Variants in ZNF518A observed in about 807,000 individuals in gnomAD.
ZNF518A encodes the protein zinc finger protein 518A.
A neutral mutation model predicts 102.7 loss-of-function variants in ZNF518A; 47 were observed. The ratio of observed to expected loss-of-function variants is 0.46; its 90% CI spans 0.36 to 0.58. ZNF518A has a LOEUF of 0.58. Ranked by LOEUF, ZNF518A falls within the 20% of genes least tolerant of loss-of-function variation. ZNF518A has a pLI of 0.00. For missense variants in ZNF518A, 1,793 were observed against 1,699.8 expected, an observed-to-expected ratio of 1.05 and a Z score of -0.96; for synonymous variants, 652 against 594.6, an observed-to-expected ratio of 1.10 and a Z score of -1.40.
chr10:96,139,809 A>G (rs1222369022), intron 3 of ZNF518A, among the ~76,000 whole-genome samples: 2 of 152,148 alleles, frequency 1.3e-5, no homozygotes, highest in African/African-American at 4.8e-5. Flanking sequence ...TAAGATGATG[A>G]CAGTGGATAG....
intron 1 of ZNF518A, among the ~76,000 whole-genome samples, chr10:96,182,055 C>T (rs2083243438): frequency 6.6e-6 from 1 of 152,130 alleles, no homozygotes; most frequent in Admixed American, 6.6e-5. Flanking sequence ...TCCTTCACAT[C>T]CCTTGTAAGT....
Position 96,157,667 on chromosome 10 carries a change from A to G in ZNF518A, c.1345A>G (p.Met449Val), listed in dbSNP as rs782454302. ...TAATGCTACGTTTATGGGCTTCAAG[A>G]TGATGGATGGAAAACAGCATATTGT... ...NYNATFMGFK[M>V]MDGKQHIVLK... The change falls in exon 6 of 6, where the codon ATG becomes GTG. Residue 449 changes from methionine to valine, a missense_variant. This residue lies in a region of ZNF518A where 1,741 missense variants were observed against 1,622.6 expected (regional missense o/e 1.07). Transcript: ENST00000316045. 10 of 1,613,890 alleles carry G rather than the reference A, an allele frequency of 6.2e-6. No individual in the cohort carries two copies. In the East Asian group the frequency reaches 1.6e-4, roughly 25 times the overall value.
upstream of ZNF518A, chr10:96,129,902 G>C (rs1247994896): frequency 6.6e-6 from 1 of 152,540 alleles, no homozygotes; most frequent in Non-Finnish European, 1.5e-5. Context: ...GCGCTAGATG[G>C]AGAGGTCAGC....
intron 1 of ZNF518A, among the ~76,000 whole-genome samples, chr10:96,198,584 T>C (rs1296795013): frequency 6.6e-6 from 1 of 152,248 alleles, no homozygotes; most frequent in African/African-American, 2.4e-5. Context: ...AAGAGCTTCA[T>C]ACAGAACAAC....
At chr10:96,168,999 T>TCCTATGGTCTCATA (rs2083158744) in intron 1 of ZNF518A, among the ~76,000 whole-genome samples, 1 of 152,174 alleles carries the variant, frequency 6.6e-6, no homozygotes, top group Admixed American at 6.5e-5. Flanking sequence ...CTGAGACTCA[T>TCCTATGGTCTCATA]CCTATGGGTA....
At chr10:96,176,735 A>C (rs184510674) in intron 1 of ZNF518A, among the ~76,000 whole-genome samples, 1 of 152,236 alleles carries the variant, frequency 6.6e-6, no homozygotes, top group African/African-American at 2.4e-5. Flanking sequence ...ATCTCTACTA[A>C]AAATACAAAA....
chr10:96,148,094 T>C (rs587687733), intron 3 of ZNF518A, among the ~76,000 whole-genome samples: 86 of 152,334 alleles, frequency 5.6e-4, no homozygotes, highest in African/African-American at 2.0e-3. Flanking sequence ...TGTTCCCTTT[T>C]TGTGGCATCC....
intron 1 of ZNF518A, among the ~76,000 whole-genome samples, chr10:96,176,184 G>T (rs1554891460): frequency 2.0e-5 from 3 of 151,854 alleles, no homozygotes; most frequent in Non-Finnish European, 4.4e-5. Context: ...TCCTGCCTTG[G>T]CTTCCCAAAG....
At chr10:96,185,611 C>G (rs587611704) in intron 1 of ZNF518A, among the ~76,000 whole-genome samples, 7 of 152,330 alleles carry the variant, frequency 4.6e-5, no homozygotes, top group Admixed American at 3.3e-4. Flanking sequence ...ACTCCAGACC[C>G]TCTTTGCCTG....
rs1254237231 is a variant in ZNF518A, at chr10:96,200,461, C to T, written n.36-3113C>T. Among the ~76,000 whole-genome samples the T allele has an allele frequency of 6.6e-6, 1 of 152,112 alleles. No homozygotes were observed. The highest frequency in any genetic ancestry group is 2.4e-5 in the African/African-American group (1 of 41,412). ...TGCTCTTACTTTGTGGAGTGCTTTA[C>T]AATTTCCAAAGCATTTTTACAAATA... On this transcript the variant is annotated intron_variant and non_coding_transcript_variant, in intron 1 of 2. Coordinates refer to the ZNF518A transcript ENST00000442635. This position sits in a 1 kb window ranked among gnomAD's most constrained non-coding sequence, Gnocchi z 4.3.
intron 1 of ZNF518A, among the ~76,000 whole-genome samples, chr10:96,179,421 A>T (rs1365889918): frequency 9.2e-5 from 14 of 152,236 alleles, no homozygotes; most frequent in Non-Finnish European, 1.9e-4. Flanking sequence ...AAGCCACAAT[A>T]AGATACTACT....
intron 1 of ZNF518A, among the ~76,000 whole-genome samples, chr10:96,194,741 A>C (rs951008645): frequency 2.6e-5 from 4 of 151,498 alleles, no homozygotes; most frequent in African/African-American, 9.7e-5. Context: ...AAAATGTTCA[A>C]CATCACTAAT....
intron 4 of ZNF518A, 65 bp from the exon 5 acceptor site, chr10:96,155,859 T>C (rs1176565168): frequency 6.6e-6 from 1 of 152,496 alleles, no homozygotes; most frequent in Non-Finnish European, 1.5e-5. Context: ...TTAAAAACTG[T>C]ATTATCACCT....
chr10:96,136,455 A>G (rs190449575), intron 3 of ZNF518A, among the ~76,000 whole-genome samples: 1 of 151,004 alleles, frequency 6.6e-6, no homozygotes, highest in East Asian at 2.0e-4. Context: ...AGTCAAAGCC[A>G]TACCCTATTC....
rs1554888158 is a variant in ZNF518A at position 96,161,742 on chromosome 10, A to G, written c.*968A>G. The G allele has an allele frequency of 1.8e-5, 3 of 166,946 alleles. No individual in the cohort carries two copies. The highest frequency in any genetic ancestry group is 2.1e-4 in the South Asian group (1 of 4,834). 10.3% of individuals were successfully genotyped at this position (166,946 alleles called of 1,614,324 possible). A position where few individuals can be genotyped will look rare whatever the true frequency, so the allele number is the denominator to read the frequency against. On this transcript the variant is annotated 3_prime_UTR_variant, in exon 6 of 6. Coordinates refer to ENST00000316045, the MANE Select transcript of ZNF518A (RefSeq NM_001330736.2). The stretch of plus-strand genomic sequence containing the variant: ...AAACAGTATTTTGAAGCAAGATCAT[A>G]TTTTTGTCTGTATTCACTTTATTAT...
intron 1 of ZNF518A, among the ~76,000 whole-genome samples, chr10:96,174,713 A>T (rs952988461): frequency 1.2e-4 from 18 of 151,888 alleles, no homozygotes; most frequent in African/African-American, 4.3e-4. Flanking sequence ...TTCAGAATAC[A>T]TTAGTAAAGT....
intron 1 of ZNF518A, among the ~76,000 whole-genome samples, chr10:96,196,307 G>T (rs1554894662): frequency 6.6e-6 from 1 of 152,078 alleles, no homozygotes; most frequent in Non-Finnish European, 1.5e-5. Context: ...CATATTTCAG[G>T]GTTCATTTAT....
chr10:96,202,892 C>T (rs2083682556), intron 1 of ZNF518A, among the ~76,000 whole-genome samples: 1 of 152,168 alleles, frequency 6.6e-6, no homozygotes, highest in South Asian at 2.1e-4. Flanking sequence ...GTGGAATGAG[C>T]TATTATGCCC....
downstream of ZNF518A, among the ~76,000 whole-genome samples, chr10:96,167,056 G>A (rs1205893039): frequency 1.3e-5 from 2 of 152,176 alleles, no homozygotes; most frequent in Non-Finnish European, 2.9e-5. Flanking sequence ...CAAAAATTGA[G>A]ATATGCAAAG....
Sources: allele counts gnomAD v4.1 joint callset (sites outside exome capture counted in the v4.1 genomes callset), GRCh38; gene constraint gnomAD v4.1.1; regional missense constraint gnomAD v4.1.1; non-coding constraint Gnocchi (gnomAD v3.1); transcripts MANE v1.5; gene names NCBI Gene and HGNC (gene_info 2026-07-23, HGNC 2026-07-21).